The following NIM1K variants were observed in gnomAD, a reference collection of about 807,000 sequenced individuals.
The protein encoded by NIM1K is NIM1 serine/threonine protein kinase.
In NIM1K, 35 loss-of-function variants were observed where a neutral mutation model predicts 37.1. The observed-to-expected ratio is 0.94, with a 90% CI of 0.72 to 1.25. The LOEUF is 1.25. Ranked by LOEUF, NIM1K falls within the 50% of genes most tolerant of loss-of-function variation. NIM1K has a pLI of 0.00. For missense variants in NIM1K, 564 were observed against 548.0 expected (o/e 1.03, Z -0.29); for synonymous variants, 234 against 206.6 (o/e 1.13, Z -1.14).
At chr5:43,258,290 A>G (rs1253177626) in intron 2 of NIM1K, among the ~76,000 whole-genome samples, 1 of 152,208 alleles carries the variant, frequency 6.6e-6, no homozygotes, top group Non-Finnish European at 1.5e-5. Flanking sequence ...TTTCATGCTC[A>G]TTGCCATATA....
intron 2 of NIM1K, among the ~76,000 whole-genome samples, chr5:43,269,179 G>GT (rs1302276649): frequency 6.7e-6 from 1 of 149,904 alleles, no homozygotes; most frequent in Non-Finnish European, 1.5e-5. Context: ...GGCATGGTGG[G>GT]GGCACCTGTA....
At position 43,280,473 on chromosome 5, in the gene NIM1K, A is replaced by G. The variant is rs765212901; in HGVS notation, c.1055A>G (p.Glu352Gly). Residue 352 changes from glutamate to glycine, a missense_variant, in exon 4 of 4, where the codon GAA becomes GGA. By Grantham distance (98) the Glu-to-Gly change is moderately conservative. Transcript: ENST00000326035. ...KHLSETSTLK[E>G]EENEVKSTLE... ...TTGTCGGAAACCAGCACTCTCAAGG[A>G]AGAAGAAAATGAGGTCAAAAGCACT... 6.2e-7 allele frequency: 1 copy of G among 1,614,216 alleles called. No homozygotes were observed. The highest frequency in any genetic ancestry group is 1.1e-5 in the South Asian group (1 of 91,080).
At chr5:43,216,164 G>C (rs1752296746) in intron 1 of NIM1K, among the ~76,000 whole-genome samples, 1 of 151,998 alleles carries the variant, frequency 6.6e-6, no homozygotes, top group African/African-American at 2.4e-5. Flanking sequence ...TTAAAATGTA[G>C]TATTGTTTTG....
chr5:43,211,889 G>A (rs1752209859), intron 1 of NIM1K, among the ~76,000 whole-genome samples: 1 of 151,612 alleles, frequency 6.6e-6, no homozygotes, highest in South Asian at 2.1e-4. Context: ...AAGCCTGCTA[G>A]AAGGTTCTTA....
chr5:43,213,191 TTCTTTCTTTC>T (rs1561074745), intron 1 of NIM1K, among the ~76,000 whole-genome samples: 4 of 113,982 alleles, frequency 3.5e-5, no homozygotes, highest in African/African-American at 6.3e-5. Flanking sequence ...CTTTCTTTCT[TTCTTTCTTTC>T]TTTCTTTCTT....
intron 2 of NIM1K, among the ~76,000 whole-genome samples, chr5:43,246,555 C>T (rs1164652379): frequency 2.0e-5 from 3 of 151,724 alleles, no homozygotes; most frequent in East Asian, 3.9e-4. Context: ...GAGATCCCCC[C>T]GATGGGCGCT....
chr5:43,213,418 C>T (rs1385374581), intron 1 of NIM1K, among the ~76,000 whole-genome samples: 1 of 151,348 alleles, frequency 6.6e-6, no homozygotes, highest in African/African-American at 2.4e-5. Flanking sequence ...CAACCTCCAC[C>T]TCCCAGGTTC....
intron 1 of NIM1K, among the ~76,000 whole-genome samples, chr5:43,217,382 T>C (rs1278361776): frequency 6.6e-6 from 1 of 151,704 alleles, no homozygotes; most frequent in Non-Finnish European, 1.5e-5. Context: ...TTGATGAATA[T>C]TGGATTGTTT....
intron 2 of NIM1K, among the ~76,000 whole-genome samples, chr5:43,265,228 A>G (rs986588832): frequency 7.2e-5 from 11 of 152,166 alleles, no homozygotes; most frequent in Non-Finnish European, 1.5e-4. Context: ...ACTTGGTTCC[A>G]TTCTCTCCGT....
chr5:43,232,602 G>A, intron 1 of NIM1K: 1 of 1,564,216 alleles, frequency 6.4e-7, no homozygotes, highest in Non-Finnish European at 8.7e-7. Context: ...TGGTGTGGGA[G>A]GTGAGGATGG....
At chr5:43,258,895 A>G (rs1024723525) in intron 2 of NIM1K, among the ~76,000 whole-genome samples, 20 of 152,062 alleles carry the variant, frequency 1.3e-4, no homozygotes, top group African/African-American at 4.8e-4. Context: ...CATTGTACCC[A>G]ATACGTAGTT....
At chr5:43,248,816 G>A (rs796687184) in intron 2 of NIM1K, among the ~76,000 whole-genome samples, 2 of 140,138 alleles carry the variant, frequency 1.4e-5, no homozygotes, top group African/African-American at 2.5e-5. Context: ...CCCAGGTAAA[G>A]GCAGTCAGGC....
chr5:43,270,151 T>C (rs866616147), intron 2 of NIM1K, among the ~76,000 whole-genome samples: 2 of 152,230 alleles, frequency 1.3e-5, no homozygotes, highest in South Asian at 2.1e-4. Flanking sequence ...CTGACACTTA[T>C]TCTGTTTAAG....
intron 1 of NIM1K, among the ~76,000 whole-genome samples, chr5:43,235,911 A>G (rs1248751338): frequency 2.6e-5 from 4 of 151,350 alleles, no homozygotes; most frequent in Admixed American, 6.6e-5. Context: ...GCCAACCTGG[A>G]GGCCAAATCC....
rs550638193 is a variant in NIM1K, at chr5:43,224,092, G to A, written c.-694-20990G>A. Among the ~76,000 whole-genome samples the A allele has an allele frequency of 3.7e-4, 55 of 149,898 alleles. No individual in the cohort carries two copies. The East Asian group carries it at 5.3e-3, about 14-fold the overall frequency. On this transcript the variant is annotated intron_variant, in intron 1 of 3. Coordinates refer to ENST00000326035, the MANE Select transcript of NIM1K (RefSeq NM_153361.4). ...TTTTTTTTTCCTTTTTCTGGAGAAC[G>A]GGGTCTTGCTATATTGCCCAGGCAG...
chr5:43,238,958 G>A (rs931651167), intron 1 of NIM1K, among the ~76,000 whole-genome samples: 1 of 123,516 alleles, frequency 8.1e-6, no homozygotes. Flanking sequence ...AAAGGCTGGC[G>A]GGGGCGGGGG....
chr5:43,217,708 A>ATTTTTTTTTTTTTTTTTTTTTTT, intron 1 of NIM1K, among the ~76,000 whole-genome samples: 1 of 93,648 alleles, frequency 1.1e-5, no homozygotes, highest in Non-Finnish European at 2.0e-5. Flanking sequence ...TCCTCTGTCT[A>ATTTTTTTTTTTTTTTTTTTTTTT]TTTTTTTTTT....
At position 43,280,613 on chromosome 5, in the gene NIM1K, G is replaced by C. The variant is rs995031904; in HGVS notation, c.1195G>C (p.Ala399Pro). The C allele has an allele frequency of 6.2e-7, 1 of 1,614,080 alleles. No individual in the cohort carries two copies. The highest frequency in any genetic ancestry group is 8.5e-7 in the Non-Finnish European group (1 of 1,179,998). The change falls in exon 4 of 4, where the codon GCT (alanine) becomes CCT (proline). Residue 399 changes from alanine to proline, a missense_variant. By Grantham distance (27) the Ala-to-Pro change is conservative. Coordinates refer to ENST00000326035, the MANE Select transcript of NIM1K (RefSeq NM_153361.4). ...TTTACATAGAGTCCAAAGGAAGAAG[G>C]CTTTGGAAAGTGTCCCAGTCATGAT... ...IILHRVQRKKALESVPVMMLP... is the reference protein window; with the variant it reads ...IILHRVQRKKPLESVPVMMLP...
At chr5:43,226,476 T>C (rs887031466) in intron 1 of NIM1K, among the ~76,000 whole-genome samples, 3 of 152,132 alleles carry the variant, frequency 2.0e-5, no homozygotes, top group African/African-American at 4.8e-5. Flanking sequence ...AGTGAGGATG[T>C]TTGGCTTCAG....
Sources: gnomAD v4.1 joint callset for allele counts (sites outside exome capture counted in the v4.1 genomes callset) on GRCh38, gnomAD v4.1.1 for gene constraint, MANE v1.5 for transcripts, NCBI Gene and HGNC (gene_info 2026-07-23, HGNC 2026-07-21) for gene names.